Variants in SDK2 observed in about 807,000 individuals in gnomAD.
SDK2 encodes the protein sidekick cell adhesion molecule 2, also known as protein sidekick-2.
Under a neutral mutation model 253.9 loss-of-function variants are expected in SDK2, and 105 were observed. That is an observed-to-expected ratio of 0.41 (90% confidence interval 0.35 to 0.49). The LOEUF (loss-of-function observed/expected upper bound fraction) is 0.49, where lower values mean the gene tolerates loss of function less well. Among genes scored for constraint, SDK2 ranks in the 20% least tolerant of loss-of-function variants. The pLI is 0.06. For synonymous variants in SDK2, 1,249 were observed against 1,234.9 expected, an observed-to-expected ratio of 1.01 and a Z score of -0.24; for missense variants, 2,608 against 3,003.0, an observed-to-expected ratio of 0.87 and a Z score of 3.07.
intron 19 of SDK2, 86 bp downstream of exon 19, chr17:73,401,860 C>A: frequency 2.2e-6 from 3 of 1,393,190 alleles, no homozygotes; most frequent in Non-Finnish European, 3.0e-6. Context: ...GCCTGGGAGA[C>A]AAGCCTGGGC....
intron 1 of SDK2, 132 bp from the exon 2 acceptor site, chr17:73,507,729 G>T: frequency 1.0e-6 from 1 of 961,856 alleles, no homozygotes. Context: ...TCCCGTGGCT[G>T]GGAGGGACTT....
At chr17:73,404,727 C>G (rs2063056844) in intron 18 of SDK2, among the ~76,000 whole-genome samples, 1 of 152,128 alleles carries the variant, frequency 6.6e-6, no homozygotes, top group African/African-American at 2.4e-5. Flanking sequence ...GTTGATTTAC[C>G]ATACTAGGTC....
intron 1 of SDK2, among the ~76,000 whole-genome samples, chr17:73,546,707 G>A (rs935073793): frequency 6.6e-6 from 1 of 152,208 alleles, no homozygotes; most frequent in Admixed American, 6.5e-5. Flanking sequence ...GGGCCCTTGT[G>A]GGTCTGTGGA....
Position 73,423,450 on chromosome 17 carries a change from C to G in SDK2, c.1833G>C (p.Thr611=), listed in dbSNP as rs146912233. The change falls in exon 14 of 45, where the codon ACG becomes ACC. Residue 611 remains threonine (T), a synonymous_variant. Coordinates refer to ENST00000392650, the MANE Select transcript of SDK2 (RefSeq NM_001144952.2). ...TGTTGCCATCAAAGGGCTTGGTCCA[C>G]GTCAGGTTGATGGCTCGCCTTTCCA... ...STVERRAINL[T]WTKPFDGNSP... The G allele has an allele frequency of 1.3e-6, 2 of 1,592,462 alleles. No homozygotes were observed. The highest frequency in any genetic ancestry group is 2.3e-5 in the East Asian group (1 of 43,846).
chr17:73,345,480 G>C (rs1221365740), intron 44 of SDK2, among the ~76,000 whole-genome samples: 1 of 151,538 alleles, frequency 6.6e-6, no homozygotes, highest in East Asian at 1.9e-4. Context: ...ACATTCATTA[G>C]AGTCTGTCTT....
At chr17:73,375,961 C>T (rs1015261175) in intron 36 of SDK2, among the ~76,000 whole-genome samples, 5 of 151,668 alleles carry the variant, frequency 3.3e-5, no homozygotes, top group Admixed American at 2.6e-4. Context: ...TTTGGGAGGC[C>T]GAGGTGGGTG....
chr17:73,563,443 T>G (rs1461900131), intron 1 of SDK2, among the ~76,000 whole-genome samples: 1 of 152,054 alleles, frequency 6.6e-6, no homozygotes, highest in Non-Finnish European at 1.5e-5. Flanking sequence ...CTGGGTGCGG[T>G]GGCACACGGC....
intron 4 of SDK2, among the ~76,000 whole-genome samples, chr17:73,452,273 C>T (rs942665839): frequency 6.6e-6 from 1 of 152,198 alleles, no homozygotes; most frequent in African/African-American, 2.4e-5. Context: ...CCTTCTGTGC[C>T]CTGCACACCC....
chr17:73,563,723 T>C (rs2045271368), intron 1 of SDK2, among the ~76,000 whole-genome samples: 1 of 152,170 alleles, frequency 6.6e-6, no homozygotes, highest in African/African-American at 2.4e-5. Context: ...AGGGTTGAGA[T>C]GAGTGAAATC....
At chr17:73,594,763 G>GCACACACACAAATATACAGCACATATC (rs1567862324) in intron 1 of SDK2, among the ~76,000 whole-genome samples, 3 of 151,734 alleles carry the variant, frequency 2.0e-5, no homozygotes, top group African/African-American at 7.3e-5. Context: ...TAGCACATAT[G>GCACACACACAAATATACAGCACATATC]CACACACACA....
rs2063328477 is a variant in SDK2 at position 73,431,810 on chromosome 17, G to A, written c.1313-141C>T. The A allele has an allele frequency of 1.1e-6, 1 of 925,664 alleles. No individual in the cohort carries two copies. The highest frequency in any genetic ancestry group is 1.6e-6 in the Non-Finnish European group (1 of 643,136). 57.3% of individuals were successfully genotyped at this position (925,664 alleles called of 1,614,324 possible). On this transcript the variant is annotated intron_variant, in intron 10 of 44. Transcript: ENST00000392650. This position sits in a 1 kb window ranked among gnomAD's most constrained non-coding sequence, Gnocchi z 5.6. ...GGAAGGAATGAGGACAGATGGCGGT[G>A]GGGCTGGGGTGGGGGCTGAGAGACC...
chr17:73,636,676 G>A (rs2143288602), intron 1 of SDK2, among the ~76,000 whole-genome samples: 1 of 73,122 alleles, frequency 1.4e-5, no homozygotes. Context: ...GCAAGACTCT[G>A]TCTCAAAAAA....
intron 1 of SDK2, among the ~76,000 whole-genome samples, chr17:73,597,610 TAGG>T (rs2045778073): frequency 6.6e-6 from 1 of 151,966 alleles, no homozygotes; most frequent in African/African-American, 2.4e-5. Context: ...TATGTATTCA[TAGG>T]AGTTTTCACT....
chr17:73,551,227 C>T (rs1329478962), intron 1 of SDK2, among the ~76,000 whole-genome samples: 1 of 152,202 alleles, frequency 6.6e-6, no homozygotes, highest in Non-Finnish European at 1.5e-5. Flanking sequence ...GCGGCCGGCT[C>T]CCCATCAGCT....
intron 1 of SDK2, among the ~76,000 whole-genome samples, chr17:73,512,860 A>G (rs576980217): frequency 1.3e-5 from 2 of 152,074 alleles, no homozygotes; most frequent in East Asian, 1.9e-4. Context: ...TAATACACCA[A>G]TTAGTCAATA....
intron 44 of SDK2, among the ~76,000 whole-genome samples, chr17:73,343,320 G>A (rs933049907): frequency 2.0e-5 from 3 of 152,250 alleles, no homozygotes; most frequent in Admixed American, 1.3e-4. Flanking sequence ...CTCTTCCCCC[G>A]CTCCGCCTTC....
rs545824700 is a variant in SDK2, at chr17:73,419,893, A to T, written c.2046-587T>A. 4.0e-3 allele frequency among the ~76,000 whole-genome samples: 606 copies of T among 152,020 alleles called. 3 individuals carry two copies. The highest frequency in any genetic ancestry group is 6.8e-3 in the Middle Eastern group (2 of 294). On this transcript the variant is annotated intron_variant, in intron 15 of 44. Transcript: ENST00000392650. ...AGACCCTGTCTCAAAAAAAAAAAAA[A>T]AATTAATGTACATGTTTTTGGTGCC...
chr17:73,584,939 G>A (rs192881931), intron 1 of SDK2, among the ~76,000 whole-genome samples: 8 of 152,338 alleles, frequency 5.3e-5, no homozygotes, highest in Non-Finnish European at 1.0e-4. Flanking sequence ...GCTGATGGCC[G>A]TTCATCTGTG....
In SDK2 at chr17:73,416,500, C is replaced by T. The variant is rs181782009; in HGVS notation, c.2187-508G>A. On this transcript the variant is annotated intron_variant, in intron 16 of 44. Transcript: ENST00000392650. ...TATAGCATGAGCCACTATACCTGGCCTGAATTAGAATTTGTTTTAGTTTTG... is the reference window on the plus strand; with the variant it reads ...TATAGCATGAGCCACTATACCTGGCTTGAATTAGAATTTGTTTTAGTTTTG... 6.6e-5 allele frequency among the ~76,000 whole-genome samples: 10 copies of T among 152,088 alleles called. No individual in the cohort carries two copies. In the East Asian group the frequency reaches 1.7e-3, roughly 27 times the overall value.
Sources: gnomAD v4.1 joint callset for allele counts (sites outside exome capture counted in the v4.1 genomes callset) on GRCh38, gnomAD v4.1.1 for gene constraint, Gnocchi (gnomAD v3.1) non-coding constraint, MANE v1.5 for transcripts, NCBI Gene and HGNC (gene_info 2026-07-23, HGNC 2026-07-21) for gene names.